Variants in CSMD1 observed in about 807,000 individuals in gnomAD.
The protein encoded by CSMD1 is CUB and sushi domain-containing protein 1.
In CSMD1, 213 loss-of-function variants were observed where a neutral mutation model predicts 417.5. The ratio of observed to expected loss-of-function variants is 0.51; its 90% CI spans 0.46 to 0.57. The LOEUF (loss-of-function observed/expected upper bound fraction) is 0.57. Among genes scored for constraint, CSMD1 ranks in the 20% least tolerant of loss-of-function variants. CSMD1 has a pLI of 0.00. For missense variants in CSMD1, 6,923 were observed against 4,529.7 expected (o/e 1.53, Z -15.17); for synonymous variants, 2,862 against 1,736.8 (o/e 1.65, Z -16.11).
At chr8:4,179,355 T>C (rs567417441) in intron 3 of CSMD1, among the ~76,000 whole-genome samples, 1 of 152,168 alleles carries the variant, frequency 6.6e-6, no homozygotes, top group Non-Finnish European at 1.5e-5. Flanking sequence ...TAAATGGTGC[T>C]GGGAAAACTG....
At chr8:4,302,751 C>G (rs913792263) in intron 3 of CSMD1, among the ~76,000 whole-genome samples, 7 of 152,164 alleles carry the variant, frequency 4.6e-5, no homozygotes, top group Non-Finnish European at 8.8e-5. Flanking sequence ...TAGTTTTTTA[C>G]TGACCCCAAC....
At chr8:3,378,149 T>A (rs1404307372) in intron 18 of CSMD1, among the ~76,000 whole-genome samples, 2 of 152,202 alleles carry the variant, frequency 1.3e-5, no homozygotes, top group African/African-American at 4.8e-5. Context: ...TAAGTTTTAT[T>A]TTCTAGGTCA....
chr8:3,901,920 G>T (rs898681985), intron 5 of CSMD1, among the ~76,000 whole-genome samples: 1 of 152,144 alleles, frequency 6.6e-6, no homozygotes, highest in African/African-American at 2.4e-5. Context: ...CATGATGTGT[G>T]ACTATGAACA....
intron 2 of CSMD1, among the ~76,000 whole-genome samples, chr8:4,536,617 C>G (rs1028181797): frequency 6.6e-6 from 1 of 152,194 alleles, no homozygotes; most frequent in Non-Finnish European, 1.5e-5. Flanking sequence ...CAAGTGGATA[C>G]TGAGAATAGG....
chr8:3,056,218 G>A (rs1225466872), intron 49 of CSMD1, among the ~76,000 whole-genome samples: 1 of 152,186 alleles, frequency 6.6e-6, no homozygotes. Context: ...AGGTGTAACA[G>A]TTTGATTTCA....
intron 8 of CSMD1, among the ~76,000 whole-genome samples, chr8:3,592,111 G>C (rs1800875328): frequency 1.3e-5 from 2 of 152,084 alleles, no homozygotes; most frequent in South Asian, 2.1e-4. Context: ...TAGATGGATA[G>C]ATACATAGAT....
At chr8:4,030,670 T>G (rs966114650) in intron 4 of CSMD1, among the ~76,000 whole-genome samples, 1 of 152,204 alleles carries the variant, frequency 6.6e-6, no homozygotes, top group Non-Finnish European at 1.5e-5. Context: ...GGATTAACTT[T>G]TGGCTTCTTG....
At chr8:4,098,150 A>G (rs1801118981) in intron 3 of CSMD1, among the ~76,000 whole-genome samples, 1 of 152,220 alleles carries the variant, frequency 6.6e-6, no homozygotes, top group South Asian at 2.1e-4. Context: ...AAACCCTTGT[A>G]AATTAGAATA....
intron 3 of CSMD1, among the ~76,000 whole-genome samples, chr8:4,211,172 C>T (rs912052348): frequency 2.0e-5 from 3 of 150,790 alleles, no homozygotes; most frequent in African/African-American, 7.3e-5. Flanking sequence ...GAAAAACATC[C>T]TTGTACATGT....
At chr8:4,725,914 G>T (rs964411667) in intron 1 of CSMD1, among the ~76,000 whole-genome samples, 2 of 152,096 alleles carry the variant, frequency 1.3e-5, no homozygotes, top group African/African-American at 2.4e-5. Flanking sequence ...TCCAGGGGGG[G>T]TTACTTTGAC....
At chr8:3,391,591 G>A (rs548603673) in intron 17 of CSMD1, among the ~76,000 whole-genome samples, 22 of 152,172 alleles carry the variant, frequency 1.4e-4, no homozygotes, top group Admixed American at 2.0e-4. Flanking sequence ...TCCTAAGACT[G>A]AGTGCATGAA....
chr8:4,355,078 T>G (rs536715665), intron 3 of CSMD1, among the ~76,000 whole-genome samples: 37 of 151,898 alleles, frequency 2.4e-4, no homozygotes, highest in Admixed American at 1.4e-3. Context: ...CTGGCTAACA[T>G]GGTGAAACCC....
chr8:3,842,118 A>G lies in CSMD1; in HGVS notation c.819-88076T>C, dbSNP rs79421801. On this transcript the variant is annotated intron_variant, in intron 5 of 69. Transcript: ENST00000635120. ...AACACACATGCCTTCATTCTGCCTA[A>G]TTCAACCCCGATCTCTTCTCCTTGT... 2.0e-3 allele frequency among the ~76,000 whole-genome samples: 310 copies of G among 152,316 alleles called. 1 individual carries two copies. Among genetic ancestry groups the G allele is most frequent in the African/African-American group, 7.3e-3 (303 of 41,576 alleles).
At chr8:3,606,447 T>A (rs942106045) in intron 8 of CSMD1, among the ~76,000 whole-genome samples, 1 of 151,868 alleles carries the variant, frequency 6.6e-6, no homozygotes, top group Non-Finnish European at 1.5e-5. Context: ...TACCTAAACA[T>A]AGAAAAGGAG....
chr8:3,303,895 T>A (rs1167192913), intron 25 of CSMD1, among the ~76,000 whole-genome samples: 1 of 151,900 alleles, frequency 6.6e-6, no homozygotes, highest in Non-Finnish European at 1.5e-5. Flanking sequence ...AAATTAGAAA[T>A]TCTTCCAGAC....
chr8:3,588,955 A>C (rs768184382), intron 8 of CSMD1, among the ~76,000 whole-genome samples: 1 of 152,078 alleles, frequency 6.6e-6, no homozygotes. Flanking sequence ...AGACATAAAA[A>C]CGACCAACAG....
intron 7 of CSMD1, among the ~76,000 whole-genome samples, chr8:3,700,852 C>T (rs542170388): frequency 5.9e-5 from 9 of 152,106 alleles, no homozygotes; most frequent in Middle Eastern, 3.4e-3. Flanking sequence ...CTGCCTGTGA[C>T]GGGAAACGTT....
chr8:4,327,645 A>T (rs929960062), intron 3 of CSMD1, among the ~76,000 whole-genome samples: 3 of 152,272 alleles, frequency 2.0e-5, no homozygotes, highest in South Asian at 2.1e-4. Context: ...ACAACAAAAA[A>T]CAACAAAAAG....
rs551702537 is a variant in CSMD1 at position 4,166,873 on chromosome 8, T to C, written c.416-134774A>G. Among the ~76,000 whole-genome samples, 26 of 152,330 alleles carry C rather than the reference T, an allele frequency of 1.7e-4. No homozygotes were observed. In the South Asian group the frequency reaches 5.0e-3, roughly 29 times the overall value. On this transcript the variant is annotated intron_variant, in intron 3 of 69. Transcript: ENST00000635120. Reference sequence around the variant, plus strand: ...TTGTTTCAATGAACAACAAATAATATTTAAAATGTATTTCCTTAGCAGCAG... The same window carrying C: ...TTGTTTCAATGAACAACAAATAATACTTAAAATGTATTTCCTTAGCAGCAG...
Sources: gnomAD v4.1 joint callset for allele counts (sites outside exome capture counted in the v4.1 genomes callset) on GRCh38, gnomAD v4.1.1 for gene constraint, MANE v1.5 for transcripts, NCBI Gene and HGNC (gene_info 2026-07-23, HGNC 2026-07-21) for gene names.